MANBA: variants seen among roughly 807,000 people sequenced by gnomAD.
MANBA encodes the protein mannosidase beta.
MANBA carries 83 observed loss-of-function variants against 111.1 expected under a neutral mutation model. The observed-to-expected ratio is 0.75, with a 90% CI of 0.63 to 0.90. The LOEUF (loss-of-function observed/expected upper bound fraction) is 0.90. MANBA is among the 40% of genes least tolerant of loss of function. MANBA has a pLI of 0.00. For missense variants in MANBA, 1,036 were observed against 1,069.0 expected, an observed-to-expected ratio of 0.97 and a Z score of 0.43; for synonymous variants, 370 against 378.7, an observed-to-expected ratio of 0.98 and a Z score of 0.27.
chr4:102,661,681 A>G (rs1730963415), intron 11 of MANBA, among the ~76,000 whole-genome samples: 1 of 152,222 alleles, frequency 6.6e-6, no homozygotes. Context: ...GTCTCTACCT[A>G]AAAATATCTG....
At chr4:102,705,373 G>A (rs1243967571) in intron 5 of MANBA, among the ~76,000 whole-genome samples, 1 of 152,184 alleles carries the variant, frequency 6.6e-6, no homozygotes, top group African/African-American at 2.4e-5. Context: ...CGAATGGACT[G>A]CAGGCTGACT....
At chr4:102,663,852 G>A (rs766483944) in intron 11 of MANBA, among the ~76,000 whole-genome samples, 1 of 152,016 alleles carries the variant, frequency 6.6e-6, no homozygotes, top group African/African-American at 2.4e-5. Flanking sequence ...TCACAAAAAG[G>A]CCAATTTATA....
intron 4 of MANBA, among the ~76,000 whole-genome samples, chr4:102,715,198 C>CA (rs1722272458): frequency 6.6e-6 from 1 of 152,166 alleles, no homozygotes. Flanking sequence ...GGTACTCTCT[C>CA]ATGCCCTCTC....
chr4:102,703,103 T>C (rs1733135498), intron 5 of MANBA, among the ~76,000 whole-genome samples: 1 of 152,212 alleles, frequency 6.6e-6, no homozygotes, highest in Non-Finnish European at 1.5e-5. Flanking sequence ...CAGAGATAGC[T>C]ACTGTTTGCA....
Position 102,726,635 on chromosome 4 carries a change from C to A in MANBA, c.226G>T (p.Asp76Tyr), listed in dbSNP as rs866528285. 1 of 1,574,066 alleles carries A rather than the reference C, an allele frequency of 6.4e-7. No individual in the cohort carries two copies. Among genetic ancestry groups the A allele is most frequent in the Non-Finnish European group, 8.7e-7 (1 of 1,144,306 alleles). The change falls in exon 2 of 17, where the codon GAT (aspartate) becomes TAT (tyrosine). Residue 76 changes from aspartate (D) to tyrosine (Y), a missense_variant. Transcript: ENST00000647097. ...AATTCTTTGCTATAGGTCCAGTTAT[C>A]CAAAGAGACCCATCTGTAGTTAAGG... is the stretch of plus-strand genomic sequence containing the variant. ...NDLNYRWVSL[D>Y]NWTYSKEFKI...
chr4:102,752,855 G>A (rs2110212272), intron 1 of MANBA, among the ~76,000 whole-genome samples: 1 of 152,246 alleles, frequency 6.6e-6, no homozygotes, highest in East Asian at 1.9e-4. Context: ...TGACTAGCTT[G>A]TTAATCACAT....
intron 1 of MANBA, chr4:102,753,989 T>C (rs536427500): frequency 2.2e-4 from 69 of 312,032 alleles, no homozygotes; most frequent in African/African-American, 1.8e-3. Flanking sequence ...GGCGACAGAG[T>C]GAGACTCTGT....
chr4:102,682,957 G>T (rs576712744), intron 7 of MANBA: 6 of 152,090 alleles, frequency 3.9e-5, no homozygotes, highest in Non-Finnish European at 8.8e-5. Context: ...TAATACAGAA[G>T]GAGACACACT....
Position 102,673,932 on chromosome 4 carries a change from C to A in MANBA, c.1099G>T (p.Val367Leu), listed in dbSNP as rs1343362892. The change falls in exon 8 of 17, where the codon GTA (valine) becomes TTA (leucine). Residue 367 changes from valine to leucine, a missense_variant. Coordinates refer to ENST00000647097, the MANE Select transcript of MANBA (RefSeq NM_005908.4). ...WIPADSFQDR[V>L]TSELLRLLLQ... is the part of the protein sequence containing the mutation. ...ACAATAACTTACAACTCAGAGGTTA[C>A]TCGGTCCTGGAATGAATCTGCTGGG... 1 of 1,610,866 alleles carries A rather than the reference C, an allele frequency of 6.2e-7. No homozygotes were observed. Among genetic ancestry groups the A allele is most frequent in the African/African-American group, 1.3e-5 (1 of 74,974 alleles).
chr4:102,756,367 C>T (rs1724016995), intron 1 of MANBA, among the ~76,000 whole-genome samples: 1 of 152,132 alleles, frequency 6.6e-6, no homozygotes, highest in Non-Finnish European at 1.5e-5. Context: ...AGCAAACTAT[C>T]ACAAGGACAG....
At chr4:102,664,895 A>T in intron 10 of MANBA, 43 bp from the exon 11 acceptor site, 2 of 1,478,544 alleles carry the variant, frequency 1.4e-6, no homozygotes, top group Non-Finnish European at 1.9e-6. Flanking sequence ...AAGAGTTAAC[A>T]TAAAAAATTC....
intron 1 of MANBA, chr4:102,730,463 C>T: frequency 2.0e-6 from 1 of 511,418 alleles, no homozygotes; most frequent in South Asian, 1.6e-5. Flanking sequence ...GGGTCAGCTG[C>T]ACTGCGGGGG....
intron 3 of MANBA, among the ~76,000 whole-genome samples, chr4:102,723,475 A>T (rs988381551): frequency 1.3e-5 from 2 of 152,206 alleles, no homozygotes; most frequent in African/African-American, 4.8e-5. Flanking sequence ...TGAAAAGTCT[A>T]CCTTTGAAAG....
intron 1 of MANBA, chr4:102,751,751 T>C (rs1185035475): frequency 2.2e-5 from 12 of 536,198 alleles, no homozygotes; most frequent in Non-Finnish European, 4.6e-5. Flanking sequence ...TGACTGGTTC[T>C]TATGATAAGA....
chr4:102,699,397 G>C lies in MANBA; in HGVS notation c.674-8626C>G, dbSNP rs140448670. On this transcript the variant is annotated intron_variant, in intron 5 of 16. Transcript: ENST00000647097. ...TGGCCAGAACTTCCAACACTATGTT[G>C]AATAGGAATGGTGAGAGATGGCATC... Among the ~76,000 whole-genome samples, 203 of 152,072 alleles carry C rather than the reference G, an allele frequency of 1.3e-3. 1 individual carries two copies. Among genetic ancestry groups the C allele is most frequent in the African/African-American group, 4.7e-3 (196 of 41,400 alleles).
intron 5 of MANBA, among the ~76,000 whole-genome samples, chr4:102,712,579 G>A (rs1428555120): frequency 6.6e-6 from 1 of 150,728 alleles, no homozygotes; most frequent in East Asian, 1.9e-4. Context: ...GAGTGCAGTG[G>A]TACAATCACA....
intron 1 of MANBA, among the ~76,000 whole-genome samples, chr4:102,739,992 G>T: frequency 6.6e-6 from 1 of 152,206 alleles, no homozygotes; most frequent in East Asian, 1.9e-4. Context: ...CAGTAAAGAG[G>T]AAGTAAAACC....
chr4:102,717,120 T>G (rs1722371144), intron 4 of MANBA, among the ~76,000 whole-genome samples: 1 of 152,150 alleles, frequency 6.6e-6, no homozygotes. Context: ...ATTTTCCCCA[T>G]TAAGAGCTAC....
chr4:102,726,586 T>C lies in MANBA; in HGVS notation c.272+3A>G, dbSNP rs762094736. 3 of 1,433,176 alleles carry C rather than the reference T, an allele frequency of 2.1e-6. No individual in the cohort carries two copies. Among genetic ancestry groups the C allele is most frequent in the African/African-American group, 1.4e-5 (1 of 71,100 alleles). 88.8% of individuals were successfully genotyped at this position (1,433,176 alleles called of 1,614,324 possible). A position where few individuals can be genotyped will look rare whatever the true frequency, so the allele number is the denominator to read the frequency against. On this transcript the variant is annotated splice_donor_region_variant and intron_variant, in intron 2 of 16. Coordinates refer to ENST00000647097, the MANE Select transcript of MANBA (RefSeq NM_005908.4). ...ATAAAAATACACCCACAAACATACA[T>C]ACCTAATTTCAAAGGGGATTTTAAA...
Sources: allele counts gnomAD v4.1 joint callset (sites outside exome capture counted in the v4.1 genomes callset), GRCh38; gene constraint gnomAD v4.1.1; transcripts MANE v1.5; gene names NCBI Gene and HGNC (gene_info 2026-07-23, HGNC 2026-07-21).